The following SLC14A2 variants were observed in gnomAD, a reference collection of about 807,000 sequenced individuals.
The protein encoded by SLC14A2 is urea transporter 2.
In SLC14A2, 91 loss-of-function variants were observed where a neutral mutation model predicts 104.6. That is an observed-to-expected ratio of 0.87 (90% CI 0.73 to 1.04). SLC14A2 has a LOEUF of 1.04. SLC14A2 is among the 50% of genes least tolerant of loss of function. The probability of loss-of-function intolerance (pLI) is 0.00; values close to 1 mark genes in which losing one functional copy is unlikely to be tolerated. For missense variants in SLC14A2, 1,189 were observed against 1,156.0 expected (o/e 1.03, Z -0.41); for synonymous variants, 476 against 466.4 (o/e 1.02, Z -0.27).
rs747799837 is a variant in SLC14A2 at position 45,624,806 on chromosome 18, G to A, written c.142G>A (p.Glu48Lys). 2.5e-6 allele frequency: 4 copies of A among 1,611,426 alleles called. No homozygotes were observed. Among genetic ancestry groups the A allele is most frequent in the Non-Finnish European group, 3.4e-6 (4 of 1,178,776 alleles). Residue 48 changes from glutamate (E) to lysine (K), a missense_variant, in exon 2 of 20, where the codon GAA (glutamate) becomes AAA (lysine). Transcript: ENST00000255226. ...HPALPLLEMPEEKDLRSSNED... is the reference protein window; with the variant it reads ...HPALPLLEMPKEKDLRSSNED... ...AGCTCTGCCCCTCCTGGAAATGCCT[G>A]AAGAAAAGGTGAGAAGTGTCCCTCC...
intron 1 of SLC14A2, among the ~76,000 whole-genome samples, chr18:45,451,743 T>C (rs565587186): frequency 8.5e-5 from 13 of 152,314 alleles, no homozygotes; most frequent in Non-Finnish European, 1.8e-4. Context: ...AACTCAATAG[T>C]CAAAGATATT....
intron 1 of SLC14A2, among the ~76,000 whole-genome samples, chr18:45,220,233 G>A (rs141478391): frequency 1.3e-5 from 2 of 152,292 alleles, no homozygotes; most frequent in Non-Finnish European, 2.9e-5. Flanking sequence ...ATCCCGTCCT[G>A]TTTAAACCAA....
At chr18:45,451,838 A>G (rs903389410) in intron 1 of SLC14A2, among the ~76,000 whole-genome samples, 1 of 152,220 alleles carries the variant, frequency 6.6e-6, no homozygotes, top group African/African-American at 2.4e-5. Flanking sequence ...AAGACCAAGT[A>G]CATTCTGTTT....
chr18:45,322,864 T>C (rs2085198924), intron 1 of SLC14A2, among the ~76,000 whole-genome samples: 1 of 152,200 alleles, frequency 6.6e-6, no homozygotes, highest in Admixed American at 6.5e-5. Flanking sequence ...TGGAAGAAAC[T>C]GAGAAGTCAT....
intron 10 of SLC14A2, among the ~76,000 whole-genome samples, chr18:45,651,724 T>C (rs149244649): frequency 1.3e-3 from 197 of 152,220 alleles, no homozygotes; most frequent in African/African-American, 4.5e-3. Context: ...TGAGTTCCCA[T>C]GGAGGAATAA....
chr18:45,435,975 C>T (rs2086589740), intron 1 of SLC14A2, among the ~76,000 whole-genome samples: 2 of 152,082 alleles, frequency 1.3e-5, no homozygotes, highest in African/African-American at 4.8e-5. Context: ...GAAGATGTGA[C>T]TAAACAGCAG....
intron 1 of SLC14A2, among the ~76,000 whole-genome samples, chr18:45,247,345 G>C (rs959411165): frequency 2.6e-5 from 4 of 152,224 alleles, no homozygotes; most frequent in African/African-American, 9.7e-5. Context: ...TGCGAGAATT[G>C]AGCAAGTAAT....
At chr18:45,566,149 TAGTC>T (rs1483111223) in intron 2 of SLC14A2, among the ~76,000 whole-genome samples, 1 of 152,130 alleles carries the variant, frequency 6.6e-6, no homozygotes, top group Non-Finnish European at 1.5e-5. Context: ...AATTAAGAAA[TAGTC>T]AGATTTCCCT....
At chr18:45,617,434 C>G (rs575364774) in intron 1 of SLC14A2, among the ~76,000 whole-genome samples, 1 of 152,286 alleles carries the variant, frequency 6.6e-6, no homozygotes, top group Non-Finnish European at 1.5e-5. Flanking sequence ...TCCTGCCCCA[C>G]CCAGCCTGAC....
chr18:45,261,482 T>C (rs568806684), intron 1 of SLC14A2, among the ~76,000 whole-genome samples: 37 of 152,128 alleles, frequency 2.4e-4, no homozygotes, highest in East Asian at 3.9e-4. Flanking sequence ...TATGTATATA[T>C]GTGCCATGCT....
chr18:45,304,573 T>C (rs1437312793), intron 1 of SLC14A2, among the ~76,000 whole-genome samples: 1 of 152,222 alleles, frequency 6.6e-6, no homozygotes, highest in African/African-American at 2.4e-5. Context: ...GCAGAAGGCA[T>C]TGTAACTTGT....
Position 45,258,664 on chromosome 18 carries a change from T to C in SLC14A2, c.-125+45473T>C, listed in dbSNP as rs752899118. On this transcript the variant is annotated intron_variant, in intron 1 of 20. Coordinates refer to the SLC14A2 transcript ENST00000586448. ...TTGATTTGGATGACCATTTTAATAA[T>C]CATCCTTTTATTCTTTGTTATAGTA... Among the ~76,000 whole-genome samples, 29 of 143,452 alleles carry C rather than the reference T, an allele frequency of 2.0e-4. 4 individuals are homozygous for C. Among genetic ancestry groups the C allele is most frequent in the Admixed American group, 3.4e-4 (5 of 14,716 alleles). The allele number at this position is 143,452 out of a possible 152,430, so 94.1% of individuals were successfully genotyped here.
chr18:45,562,856 T>C (rs2044218470), intron 2 of SLC14A2, among the ~76,000 whole-genome samples: 1 of 152,150 alleles, frequency 6.6e-6, no homozygotes, highest in Non-Finnish European at 1.5e-5. Context: ...ATTGTTTCAT[T>C]CCATGTTTGC....
chr18:45,414,581 A>G (rs1303071411), intron 1 of SLC14A2, among the ~76,000 whole-genome samples: 1 of 151,106 alleles, frequency 6.6e-6, no homozygotes, highest in African/African-American at 2.4e-5. Flanking sequence ...CATTCTGCAC[A>G]TGTAATCCAG....
intron 2 of SLC14A2, among the ~76,000 whole-genome samples, chr18:45,548,841 G>T (rs905423532): frequency 2.6e-5 from 4 of 152,210 alleles, no homozygotes. Context: ...CAGATCTCCA[G>T]CCTTTGGTGA....
chr18:45,211,167 G>A (rs2083958156), upstream of SLC14A2, among the ~76,000 whole-genome samples: 1 of 152,164 alleles, frequency 6.6e-6, no homozygotes. Context: ...CAGTTTTGGA[G>A]TGCCAGAGTT....
At chr18:45,674,481 T>C (rs1232255140) in intron 18 of SLC14A2, among the ~76,000 whole-genome samples, 1 of 152,206 alleles carries the variant, frequency 6.6e-6, no homozygotes, top group Non-Finnish European at 1.5e-5. Flanking sequence ...ATATTTTCTT[T>C]TGCATTTTAT....
At chr18:45,667,672 CTT>C (rs955881576) in intron 13 of SLC14A2, among the ~76,000 whole-genome samples, 159 bp from the exon 14 acceptor site, 3 of 152,170 alleles carry the variant, frequency 2.0e-5, no homozygotes, top group African/African-American at 4.8e-5. Context: ...CAGATGCTCT[CTT>C]GAGTTCCTTG....
At chr18:45,364,364 A>T (rs1568168378) in intron 1 of SLC14A2, among the ~76,000 whole-genome samples, 2 of 152,200 alleles carry the variant, frequency 1.3e-5, no homozygotes, top group Non-Finnish European at 2.9e-5. Context: ...TCAAAATGTC[A>T]CTATACTAGG....
Sources: gnomAD v4.1 joint callset for allele counts (sites outside exome capture counted in the v4.1 genomes callset) on GRCh38, gnomAD v4.1.1 for gene constraint, MANE v1.5 for transcripts, NCBI Gene and HGNC (gene_info 2026-07-23, HGNC 2026-07-21) for gene names.